Variants in DLGAP2 observed in about 807,000 individuals in gnomAD.
The protein encoded by DLGAP2 is disks large-associated protein 2.
DLGAP2 carries 26 observed loss-of-function variants against 100.3 expected under a neutral mutation model. The observed-to-expected ratio is 0.26, with a 90% CI of 0.19 to 0.36. The LOEUF (loss-of-function observed/expected upper bound fraction) is 0.36, where lower values mean the gene tolerates loss of function less well. Ranked by LOEUF, DLGAP2 falls within the 10% of genes least tolerant of loss-of-function variation. The pLI is 1.00. For missense variants in DLGAP2, 1,858 were observed against 1,453.2 expected (o/e 1.28, Z -4.53); for synonymous variants, 886 against 630.1 (o/e 1.41, Z -6.08).
chr8:1,646,458 C>T (rs1046465954), intron 8 of DLGAP2, among the ~76,000 whole-genome samples: 3 of 152,294 alleles, frequency 2.0e-5, no homozygotes, highest in Admixed American at 2.0e-4. Context: ...ATCCATCCCA[C>T]CCATGTTCCA....
chr8:1,318,306 A>T (rs6981358), intron 3 of DLGAP2, among the ~76,000 whole-genome samples: 73 of 152,308 alleles, frequency 4.8e-4, no homozygotes, highest in African/African-American at 1.7e-3. Flanking sequence ...TAGGTTGTCA[A>T]AGAATGTATA....
intron 3 of DLGAP2, among the ~76,000 whole-genome samples, chr8:1,384,248 G>A (rs951020385): frequency 2.6e-5 from 4 of 152,262 alleles, no homozygotes; most frequent in Non-Finnish European, 4.4e-5. Flanking sequence ...CCTGGAAAAA[G>A]CAAGAATTGT....
At chr8:1,151,067 C>T (rs1031094021) in intron 2 of DLGAP2, among the ~76,000 whole-genome samples, 2 of 152,070 alleles carry the variant, frequency 1.3e-5, no homozygotes, top group Non-Finnish European at 2.9e-5. Context: ...TCATTGAAAA[C>T]GATGTTAACA....
intron 2 of DLGAP2, among the ~76,000 whole-genome samples, chr8:1,027,841 G>A (rs1234313574): frequency 6.9e-5 from 9 of 130,950 alleles, no homozygotes; most frequent in East Asian, 2.6e-4. Flanking sequence ...TCAGGCGCCC[G>A]TTATTCTCCA....
chr8:1,083,814 A>G (rs1442170240), intron 2 of DLGAP2, among the ~76,000 whole-genome samples: 9 of 152,250 alleles, frequency 5.9e-5, no homozygotes. Context: ...CCTTAATGAA[A>G]AAAGAGTCTT....
At chr8:1,163,183 A>G (rs1324592515) in intron 2 of DLGAP2, among the ~76,000 whole-genome samples, 1 of 152,212 alleles carries the variant, frequency 6.6e-6, no homozygotes, top group African/African-American at 2.4e-5. Flanking sequence ...CCAGTACCGG[A>G]GGCCACTGAC....
At chr8:1,228,845 A>T (rs959480992) in intron 2 of DLGAP2, among the ~76,000 whole-genome samples, 8 of 152,154 alleles carry the variant, frequency 5.3e-5, no homozygotes, top group Admixed American at 4.6e-4. Context: ...AAGGACTGAA[A>T]ATTTTGCCTC....
At chr8:1,373,435 G>A (rs1384996617) in intron 3 of DLGAP2, among the ~76,000 whole-genome samples, 3 of 152,188 alleles carry the variant, frequency 2.0e-5, no homozygotes, top group African/African-American at 7.2e-5. Flanking sequence ...AGGACGGGGG[G>A]CCGGACAGAG....
At chr8:951,732 C>T (rs1170682776) in intron 2 of DLGAP2, among the ~76,000 whole-genome samples, 6 of 152,176 alleles carry the variant, frequency 3.9e-5, no homozygotes, top group South Asian at 2.1e-4. Flanking sequence ...GTCATTCAGA[C>T]GGGTCCTCAC....
chr8:1,204,433 A>G (rs1350221542), intron 2 of DLGAP2, among the ~76,000 whole-genome samples: 5 of 152,240 alleles, frequency 3.3e-5, no homozygotes, highest in Non-Finnish European at 7.3e-5. Flanking sequence ...CCCGGCTGGA[A>G]GCCAGGCTGA....
chr8:1,081,768 G>C (rs925561019), intron 2 of DLGAP2, among the ~76,000 whole-genome samples: 1 of 152,124 alleles, frequency 6.6e-6, no homozygotes. Context: ...CAGGATACTA[G>C]GAACTTTGAG....
chr8:1,480,602 C>G (rs910284399), intron 3 of DLGAP2, among the ~76,000 whole-genome samples: 1 of 152,086 alleles, frequency 6.6e-6, no homozygotes, highest in African/African-American at 2.4e-5. Context: ...GTAATCCCAG[C>G]ACTTTGGGAG....
chr8:1,263,052 G>T (rs1336897368), intron 3 of DLGAP2, among the ~76,000 whole-genome samples: 2 of 152,018 alleles, frequency 1.3e-5, no homozygotes, highest in African/African-American at 2.4e-5. Flanking sequence ...TGTGTTATTT[G>T]CCCCCATTAA....
chr8:1,285,960 A>G (rs1799913220), intron 3 of DLGAP2, among the ~76,000 whole-genome samples: 1 of 152,182 alleles, frequency 6.6e-6, no homozygotes, highest in African/African-American at 2.4e-5. Context: ...TCTCAAAGAA[A>G]CACCCAAAAC....
chr8:1,501,126 C>T (rs370198966), intron 3 of DLGAP2, among the ~76,000 whole-genome samples: 2 of 151,960 alleles, frequency 1.3e-5, no homozygotes, highest in African/African-American at 2.4e-5. Flanking sequence ...TGCCTATGTC[C>T]GTGTCTAGGT....
At chr8:1,294,670 C>T (rs1800130778) in intron 3 of DLGAP2, among the ~76,000 whole-genome samples, 1 of 152,086 alleles carries the variant, frequency 6.6e-6, no homozygotes, top group Non-Finnish European at 1.5e-5. Context: ...AAAGCCATCC[C>T]ATTGAAATAA....
intron 1 of DLGAP2, among the ~76,000 whole-genome samples, chr8:789,274 G>T (rs1821959488): frequency 6.6e-6 from 1 of 152,220 alleles, no homozygotes; most frequent in South Asian, 2.1e-4. Context: ...GGGAAGCATG[G>T]CTGGGAGGCC....
chr8:1,443,860 G>A (rs558683575), intron 3 of DLGAP2, among the ~76,000 whole-genome samples: 1 of 152,260 alleles, frequency 6.6e-6, no homozygotes, highest in African/African-American at 2.4e-5. Flanking sequence ...CATGTCTCAT[G>A]GCTAAAATGT....
Position 1,368,199 on chromosome 8 carries a change from CGT to C in DLGAP2, c.106+109323_106+109324del, listed in dbSNP as rs543749493. Among the ~76,000 whole-genome samples, 641 of 151,664 alleles carry C rather than the reference CGT, an allele frequency of 4.2e-3. 3 individuals carry two copies. Among genetic ancestry groups the C allele is most frequent in the Admixed American group, 9.9e-3 (151 of 15,226 alleles). ...GTGTGTGTATGTGCACGTGTGTGTACGTGTGTGTCCATATATCTGTGTGCAGG... is the reference window on the plus strand; with the variant it reads ...GTGTGTGTATGTGCACGTGTGTGTACGTGTGTCCATATATCTGTGTGCAGG... On this transcript the variant is annotated intron_variant, in intron 3 of 14. Transcript: ENST00000637795.
Sources: gnomAD v4.1 joint callset for allele counts (sites outside exome capture counted in the v4.1 genomes callset) on GRCh38, gnomAD v4.1.1 for gene constraint, MANE v1.5 for transcripts, NCBI Gene and HGNC (gene_info 2026-07-23, HGNC 2026-07-21) for gene names.